Variants in DAPK1 observed in about 807,000 individuals in gnomAD.
The protein encoded by DAPK1 is death associated protein kinase 1, also known as death-associated protein kinase 1.
Under a neutral mutation model 144.9 loss-of-function variants are expected in DAPK1, and 56 were observed. That is an observed-to-expected ratio of 0.39 (90% CI 0.31 to 0.48). DAPK1 has a LOEUF of 0.48. DAPK1 is among the 20% of genes least tolerant of loss of function. DAPK1 has a pLI of 0.95. For synonymous variants in DAPK1, 690 were observed against 749.0 expected, an observed-to-expected ratio of 0.92 and a Z score of 1.29; for missense variants, 1,454 against 1,875.4, an observed-to-expected ratio of 0.78 and a Z score of 4.15.
chr9:87,592,448 G>T (rs1828171885), intron 2 of DAPK1, among the ~76,000 whole-genome samples: 1 of 152,190 alleles, frequency 6.6e-6, no homozygotes, highest in African/African-American at 2.4e-5. Flanking sequence ...TGGAAGCAGT[G>T]CTCCATGGAA....
In DAPK1 at chr9:87,498,028, C is replaced by G. The variant is rs1824242226; in HGVS notation, c.-188C>G. 5.0e-6 allele frequency: 2 copies of G among 397,746 alleles called. No homozygotes were observed. The highest frequency in any genetic ancestry group is 8.9e-6 in the Non-Finnish European group (2 of 225,698). The allele number at this position is 397,746 out of a possible 1,614,324, so 24.6% of individuals were successfully genotyped here. A position where few individuals can be genotyped will look rare whatever the true frequency, so the allele number is the denominator to read the frequency against. On this transcript the variant is annotated 5_prime_UTR_variant, in exon 1 of 26. Coordinates refer to ENST00000408954, the MANE Select transcript of DAPK1 (RefSeq NM_004938.4). ...CCTAGCTGTGTTCCCGCCGCCGCCC[C>G]GGCTAGTCTCCGGCGCTGGCGCCTA...
At chr9:87,537,240 C>G (rs915563640) in intron 2 of DAPK1, among the ~76,000 whole-genome samples, 1 of 152,220 alleles carries the variant, frequency 6.6e-6, no homozygotes, top group African/African-American at 2.4e-5. Flanking sequence ...CCTGCCTTGG[C>G]CTCCCAAAGT....
intron 2 of DAPK1, among the ~76,000 whole-genome samples, chr9:87,543,676 A>C (rs531551436): frequency 4.2e-4 from 64 of 152,366 alleles, no homozygotes; most frequent in Non-Finnish European, 7.4e-4. Context: ...CTTGGGAAAA[A>C]TGTAAAAGAC....
chr9:87,679,247 C>T (rs1413880753), intron 19 of DAPK1, among the ~76,000 whole-genome samples: 1 of 152,078 alleles, frequency 6.6e-6, no homozygotes, highest in African/African-American at 2.4e-5. Context: ...GGTCGGGGGT[C>T]ACCATGGAGA....
At chr9:87,532,915 T>G (rs2118375675) in intron 2 of DAPK1, among the ~76,000 whole-genome samples, 1 of 152,332 alleles carries the variant, frequency 6.6e-6, no homozygotes, top group South Asian at 2.1e-4. Context: ...ATCTCAGTTT[T>G]TATGTATTTC....
chr9:87,561,530 G>GA (rs58732772), intron 2 of DAPK1, among the ~76,000 whole-genome samples: 57,388 of 149,754 alleles, frequency 0.38, 12,465 homozygotes, highest in African/African-American at 0.59. Context: ...CGTCTCAAAA[G>GA]AAAAAAAAAA....
chr9:87,599,178 G>A (rs929037785), intron 2 of DAPK1, among the ~76,000 whole-genome samples: 9 of 152,184 alleles, frequency 5.9e-5, no homozygotes, highest in African/African-American at 1.4e-4. Flanking sequence ...CTTTGGAGGC[G>A]AATACACTTG....
At chr9:87,605,219 G>A (rs41283675) in intron 3 of DAPK1, 44 bp downstream of exon 3, 73,469 of 1,519,728 alleles carry the variant, frequency 0.048, 2,014 homozygotes, top group Non-Finnish European at 0.053. Context: ...TGTGGTGGGC[G>A]TCAGCTGGCA....
rs1825645477 is a variant in DAPK1 at position 87,706,583 on chromosome 9, T to C, written c.3512T>C (p.Val1171Ala). ...TEGDADIRLW[V>A]NGCKLANRGA... The stretch of plus-strand genomic sequence containing the variant: ...GGCGACGCGGACATCCGCCTGTGGG[T>C]GAATGGCTGCAAGCTGGCCAACCGT... Residue 1171 changes from valine (V) to alanine (A), a missense_variant, in exon 26 of 26, where the codon GTG becomes GCG. Val to Ala is a moderately conservative substitution (Grantham distance 64). Coordinates refer to ENST00000408954, the MANE Select transcript of DAPK1 (RefSeq NM_004938.4). The surrounding 1 kb of genome is among the most constrained non-coding windows in gnomAD (Gnocchi z 9.0). The C allele has an allele frequency of 6.2e-7, 1 of 1,613,590 alleles. No individual in the cohort carries two copies. Among genetic ancestry groups the C allele is most frequent in the African/African-American group, 1.3e-5 (1 of 74,922 alleles).
intron 2 of DAPK1, among the ~76,000 whole-genome samples, chr9:87,526,763 G>A (rs1563975635): frequency 6.6e-6 from 1 of 152,112 alleles, no homozygotes; most frequent in East Asian, 1.9e-4. Context: ...TGGTGTCGCC[G>A]TGCCCAAGTC....
chr9:87,603,720 C>A (rs1828608720), intron 2 of DAPK1, among the ~76,000 whole-genome samples: 1 of 152,084 alleles, frequency 6.6e-6, no homozygotes, highest in Admixed American at 6.6e-5. Flanking sequence ...GTGAATCGAC[C>A]CTTCCTTGGG....
At chr9:87,700,398 AGGAGATGATG>A (rs1322168594) in intron 24 of DAPK1, among the ~76,000 whole-genome samples, 161 bp downstream of exon 24, 1 of 152,180 alleles carries the variant, frequency 6.6e-6, no homozygotes, top group African/African-American at 2.4e-5. Flanking sequence ...TAGAGAAACA[AGGAGATGATG>A]GGAGCTGAAG....
At chr9:87,583,908 G>C (rs912915759) in intron 2 of DAPK1, among the ~76,000 whole-genome samples, 2 of 152,186 alleles carry the variant, frequency 1.3e-5, no homozygotes, top group South Asian at 2.1e-4. Context: ...AAATAATTAA[G>C]ATCATACAGA....
chr9:87,697,854 TG>T (rs1312758917), intron 22 of DAPK1, among the ~76,000 whole-genome samples: 1 of 152,148 alleles, frequency 6.6e-6, no homozygotes, highest in East Asian at 1.9e-4. Context: ...CTTCAGGGGC[TG>T]AGGCAGGAGG....
At chr9:87,502,362 G>T (rs1163604981) in intron 2 of DAPK1, among the ~76,000 whole-genome samples, 2 of 152,120 alleles carry the variant, frequency 1.3e-5, no homozygotes, top group East Asian at 3.9e-4. Context: ...TCTGTCCCAG[G>T]AGGCGGAACA....
At position 87,706,360 on chromosome 9, in the gene DAPK1, A is replaced by C; in HGVS notation, c.3289A>C (p.Ser1097Arg). The change falls in exon 26 of 26, where the codon AGC becomes CGC. Residue 1097 changes from serine to arginine, a missense_variant. Coordinates refer to ENST00000408954, the MANE Select transcript of DAPK1 (RefSeq NM_004938.4). The surrounding 1 kb of genome is among the most constrained non-coding windows in gnomAD (Gnocchi z 9.0). ...GGACATCTGCGCCCGGGACCTGAGC[A>C]GCGGGACCATGGTGGACGTCCCAGC... ...AMDICARDLSSGTMVDVPALI... is the reference protein window; with the variant it reads ...AMDICARDLSRGTMVDVPALI... 1 of 1,609,212 alleles carries C rather than the reference A, an allele frequency of 6.2e-7. No individual in the cohort carries two copies. The highest frequency in any genetic ancestry group is 8.5e-7 in the Non-Finnish European group (1 of 1,177,726).
chr9:87,663,618 C>G (rs1830941351), intron 18 of DAPK1, among the ~76,000 whole-genome samples: 1 of 152,154 alleles, frequency 6.6e-6, no homozygotes, highest in Non-Finnish European at 1.5e-5. Context: ...CCTCTGCTTC[C>G]TGCTGGTCCA....
chr9:87,596,760 A>T (rs146678186), intron 2 of DAPK1, among the ~76,000 whole-genome samples: 302 of 152,306 alleles, frequency 2.0e-3, no homozygotes, highest in African/African-American at 6.7e-3. Flanking sequence ...ACCATCCCAG[A>T]TTCTTCAGTG....
chr9:87,600,021 G>A (rs1455922180), intron 2 of DAPK1, among the ~76,000 whole-genome samples: 1 of 152,130 alleles, frequency 6.6e-6, no homozygotes, highest in African/African-American at 2.4e-5. Flanking sequence ...CAGCTTTGTT[G>A]TGCTTAGAAA....
Sources: allele counts gnomAD v4.1 joint callset (sites outside exome capture counted in the v4.1 genomes callset), GRCh38; gene constraint gnomAD v4.1.1; non-coding constraint Gnocchi (gnomAD v3.1); transcripts MANE v1.5; gene names NCBI Gene and HGNC (gene_info 2026-07-23, HGNC 2026-07-21).